The following PDE1C variants were observed in gnomAD, a reference collection of about 807,000 sequenced individuals.
The protein encoded by PDE1C is phosphodiesterase 1C.
Under a neutral mutation model 93.1 loss-of-function variants are expected in PDE1C, and 62 were observed. The ratio of observed to expected loss-of-function variants is 0.67; its 90% confidence interval spans 0.54 to 0.82. The LOEUF is 0.82. Among genes scored for constraint, PDE1C ranks in the 40% least tolerant of loss-of-function variants. The pLI is 0.00. For synonymous variants in PDE1C, 325 were observed against 310.1 expected, an observed-to-expected ratio of 1.05 and a Z score of -0.50; for missense variants, 742 against 884.6, an observed-to-expected ratio of 0.84 and a Z score of 2.04.
intron 3 of PDE1C, among the ~76,000 whole-genome samples, chr7:32,082,693 A>G (rs1275786886): frequency 6.6e-6 from 1 of 152,192 alleles, no homozygotes; most frequent in Non-Finnish European, 1.5e-5. Flanking sequence ...TTCGCGGTTC[A>G]CCAAAATCCA....
the PDE1C span, chr7:31,652,659 G>C: frequency 6.2e-7 from 1 of 1,613,874 alleles, no homozygotes; most frequent in African/African-American, 1.3e-5. Flanking sequence ...TCCTCCCGAT[G>C]ATGGCCAGGA....
the PDE1C span, among the ~76,000 whole-genome samples, chr7:31,696,294 T>C: frequency 6.6e-6 from 1 of 152,192 alleles, no homozygotes; most frequent in Non-Finnish European, 1.5e-5. Context: ...GCAAAACAAA[T>C]GAAACATAGA....
intron 2 of PDE1C, among the ~76,000 whole-genome samples, chr7:32,193,916 G>GTTTTTTTTTTT (rs1554283858): frequency 6.1e-5 from 7 of 115,252 alleles, no homozygotes; most frequent in South Asian, 2.7e-4. Context: ...GTTTTGTTTT[G>GTTTTTTTTTTT]TTTTTTTTTT....
At chr7:32,210,038 T>G (rs1193970257) in intron 1 of PDE1C, among the ~76,000 whole-genome samples, 1 of 152,154 alleles carries the variant, frequency 6.6e-6, no homozygotes, top group Non-Finnish European at 1.5e-5. Context: ...GATATTAAAT[T>G]TAGATGCTAA....
chr7:32,111,522 G>T (rs1399350330), intron 3 of PDE1C, among the ~76,000 whole-genome samples: 3 of 152,160 alleles, frequency 2.0e-5, no homozygotes, highest in Admixed American at 2.0e-4. Flanking sequence ...AATTAGCCTG[G>T]GATTGTGGAA....
rs73306650 is a variant in PDE1C, at chr7:32,255,188, G to C, written c.85+43463C>G. Among the ~76,000 whole-genome samples, 1,473 of 152,274 alleles carry C rather than the reference G, an allele frequency of 9.7e-3. 29 individuals are homozygous for C. Among genetic ancestry groups the C allele is most frequent in the African/African-American group, 0.034 (1,426 of 41,540 alleles). Reference sequence around the variant, plus strand: ...TGACGTCACTTTGCAAAGCTCTTAAGAGCATTAATGAGTTCATGGGAGTCA... The same window carrying C: ...TGACGTCACTTTGCAAAGCTCTTAACAGCATTAATGAGTTCATGGGAGTCA... On this transcript the variant is annotated intron_variant, in intron 1 of 18. Transcript: ENST00000396193.
chr7:32,108,208 C>A (rs1584775983), intron 3 of PDE1C, among the ~76,000 whole-genome samples: 1 of 111,706 alleles, frequency 9.0e-6, no homozygotes, highest in African/African-American at 3.7e-5. Flanking sequence ...CAGAGACTGT[C>A]AGCATGGATA....
intron 2 of PDE1C, among the ~76,000 whole-genome samples, chr7:31,991,971 G>A (rs75452436): frequency 0.016 from 2,474 of 152,284 alleles, 62 homozygotes; most frequent in African/African-American, 0.056. Context: ...ATATGTTAGC[G>A]GGTTCCTATT....
chr7:31,871,327 C>G (rs1053564243), intron 6 of PDE1C, among the ~76,000 whole-genome samples: 1 of 151,826 alleles, frequency 6.6e-6, no homozygotes, highest in African/African-American at 2.4e-5. Flanking sequence ...TTATGGCTAA[C>G]ACCTCAAAAA....
chr7:32,417,532 C>T (rs1562715105), intron 1 of PDE1C, among the ~76,000 whole-genome samples: 1 of 152,098 alleles, frequency 6.6e-6, no homozygotes, highest in East Asian at 1.9e-4. Flanking sequence ...GTTCGAGTAA[C>T]TTGCCCCATT....
At chr7:31,772,555 C>G (rs1157598958) in intron 17 of PDE1C, among the ~76,000 whole-genome samples, 1 of 150,780 alleles carries the variant, frequency 6.6e-6, no homozygotes, top group Non-Finnish European at 1.5e-5. Flanking sequence ...TCTCTGGCAC[C>G]AGTTTTTTTA....
At chr7:32,047,032 G>GATGT (rs113331207) in intron 2 of PDE1C, among the ~76,000 whole-genome samples, 2,440 of 148,796 alleles carry the variant, frequency 0.016, 27 homozygotes, top group Non-Finnish European at 0.017. Context: ...CTGAAATAGG[G>GATGT]GTGTGTGTGT....
At chr7:32,123,021 T>C (rs1037906491) in intron 3 of PDE1C, among the ~76,000 whole-genome samples, 7 of 152,106 alleles carry the variant, frequency 4.6e-5, no homozygotes, top group Non-Finnish European at 8.8e-5. Context: ...TAAAAAATGA[T>C]GACGGGGATA....
At chr7:31,838,051 C>T (rs1791349739) in intron 9 of PDE1C, 80 bp from the exon 10 acceptor site, 3 of 883,370 alleles carry the variant, frequency 3.4e-6, no homozygotes, top group Non-Finnish European at 5.6e-6. Flanking sequence ...TTTGCCACTG[C>T]TAATGAAAAT....
At chr7:31,645,138 A>C in the PDE1C span, among the ~76,000 whole-genome samples, 1 of 152,194 alleles carries the variant, frequency 6.6e-6, no homozygotes, top group African/African-American at 2.4e-5. Context: ...ATTCAGATTC[A>C]ATTTGGGTAA....
intron 1 of PDE1C, among the ~76,000 whole-genome samples, chr7:32,262,005 ATTTTT>A (rs11325736): frequency 0.099 from 8,907 of 89,750 alleles, 455 homozygotes; most frequent in Non-Finnish European, 0.13. Flanking sequence ...TTGCTTTGGG[ATTTTT>A]TTTTTTTTTT....
At chr7:31,790,075 G>A (rs1409744305) in intron 16 of PDE1C, 2 of 1,440,942 alleles carry the variant, frequency 1.4e-6, no homozygotes, top group Non-Finnish European at 1.8e-6. Flanking sequence ...CCTGGAAGGA[G>A]ATGGTGTGAG....
intron 2 of PDE1C, among the ~76,000 whole-genome samples, chr7:31,934,054 T>C (rs1268408945): frequency 6.6e-6 from 1 of 152,180 alleles, no homozygotes; most frequent in African/African-American, 2.4e-5. Flanking sequence ...TCCACAATTA[T>C]ATGAATTCAA....
intron 3 of PDE1C, among the ~76,000 whole-genome samples, chr7:32,081,430 C>G (rs1796654836): frequency 6.6e-6 from 1 of 152,228 alleles, no homozygotes; most frequent in South Asian, 2.1e-4. Context: ...GTCCCATTCT[C>G]ACCCATTCAT....
Sources: gnomAD v4.1 joint callset for allele counts (sites outside exome capture counted in the v4.1 genomes callset) on GRCh38, gnomAD v4.1.1 for gene constraint, MANE v1.5 for transcripts, NCBI Gene and HGNC (gene_info 2026-07-23, HGNC 2026-07-21) for gene names.